TTLL11: variants seen among roughly 807,000 people sequenced by gnomAD.
TTLL11 encodes the protein tubulin polyglutamylase TTLL11.
A neutral mutation model predicts 51.7 loss-of-function variants in TTLL11; 42 were observed. That is an observed-to-expected ratio of 0.81 (90% CI 0.64 to 1.05). The LOEUF (loss-of-function observed/expected upper bound fraction) is 1.05. TTLL11 is among the 50% of genes least tolerant of loss of function. TTLL11 has a pLI of 0.00. For synonymous variants in TTLL11, 381 were observed against 383.5 expected (o/e 0.99, Z 0.08); for missense variants, 799 against 940.4 (o/e 0.85, Z 1.97).
chr9:121,956,857 C>T (rs2131615318), intron 6 of TTLL11, among the ~76,000 whole-genome samples: 1 of 152,316 alleles, frequency 6.6e-6, no homozygotes, highest in South Asian at 2.1e-4. Context: ...TTGGGAAGCA[C>T]CCAGCTCCTC....
chr9:122,015,057 A>G (rs543867320), intron 3 of TTLL11, among the ~76,000 whole-genome samples: 21 of 152,288 alleles, frequency 1.4e-4, no homozygotes, highest in African/African-American at 4.8e-4. Context: ...TCATTTGTAA[A>G]TCAGAGATCA....
At chr9:121,992,879 TA>T (rs1843153306) in intron 3 of TTLL11, among the ~76,000 whole-genome samples, 2 of 152,212 alleles carry the variant, frequency 1.3e-5, no homozygotes, top group African/African-American at 4.8e-5. Flanking sequence ...AGCAGTAAGA[TA>T]CTCTACTAAG....
At chr9:121,893,076 C>T (rs74740245) in intron 6 of TTLL11, among the ~76,000 whole-genome samples, 2,743 of 152,298 alleles carry the variant, frequency 0.018, 79 homozygotes, top group African/African-American at 0.06. Context: ...GTAAAAATAG[C>T]TACCATTTAC....
chr9:122,047,968 C>G (rs1845063061), intron 1 of TTLL11, among the ~76,000 whole-genome samples: 1 of 152,110 alleles, frequency 6.6e-6, no homozygotes, highest in Non-Finnish European at 1.5e-5. Context: ...TCCTCAACAT[C>G]CACTGGGCAG....
At chr9:121,851,053 C>T (rs1375322493) in intron 8 of TTLL11, among the ~76,000 whole-genome samples, 2 of 152,018 alleles carry the variant, frequency 1.3e-5, no homozygotes, top group Non-Finnish European at 2.9e-5. Context: ...CATGGAGAAA[C>T]CTTAAATGCA....
chr9:121,984,137 G>C (rs1200068961), intron 4 of TTLL11, among the ~76,000 whole-genome samples: 4 of 152,174 alleles, frequency 2.6e-5, no homozygotes, highest in African/African-American at 4.8e-5. Flanking sequence ...GCAGAGCTCA[G>C]GGAGGGTACA....
At position 121,947,231 on chromosome 9, in the gene TTLL11, G is replaced by A. The variant is rs12003465; in HGVS notation, c.1481+26778C>T. On this transcript the variant is annotated intron_variant, in intron 6 of 8. Coordinates refer to ENST00000321582, the MANE Select transcript of TTLL11 (RefSeq NM_001139442.2). ...CTGATAGCCTGAAATTAGCTGTGGT[G>A]GGAATATTTACACCATGGAAATAGA... Among the ~76,000 whole-genome samples the A allele has an allele frequency of 7.3e-3, 1,116 of 152,188 alleles. 11 individuals are homozygous for A. Among genetic ancestry groups the A allele is most frequent in the African/African-American group, 0.026 (1,075 of 41,514 alleles).
At chr9:122,078,657 T>A (rs138685136) in intron 1 of TTLL11, among the ~76,000 whole-genome samples, 1 of 152,238 alleles carries the variant, frequency 6.6e-6, no homozygotes, top group African/African-American at 2.4e-5. Flanking sequence ...TATAGCTTTT[T>A]ATGCTGGCAA....
chr9:121,942,695 A>G (rs1841521484), intron 6 of TTLL11, among the ~76,000 whole-genome samples: 1 of 147,366 alleles, frequency 6.8e-6, no homozygotes, highest in African/African-American at 2.5e-5. Flanking sequence ...GCCAAAATTA[A>G]CCTCCTGCTA....
At chr9:122,016,276 T>G (rs1022346973) in intron 3 of TTLL11, among the ~76,000 whole-genome samples, 1 of 152,038 alleles carries the variant, frequency 6.6e-6, no homozygotes, top group Non-Finnish European at 1.5e-5. Context: ...AATAAAAGGT[T>G]AAATATGGAA....
chr9:122,064,933 A>ACT (rs1588251380), intron 1 of TTLL11, among the ~76,000 whole-genome samples: 1 of 151,998 alleles, frequency 6.6e-6, no homozygotes, highest in East Asian at 1.9e-4. Context: ...GTGCTTTCTG[A>ACT]CTCCAAAATT....
intron 6 of TTLL11, among the ~76,000 whole-genome samples, chr9:121,972,830 G>C (rs1255415303): frequency 6.6e-6 from 1 of 152,260 alleles, no homozygotes; most frequent in Non-Finnish European, 1.5e-5. Context: ...GCAGCCAAGC[G>C]TAAGAAGCAC....
In TTLL11 at chr9:121,897,618, G is replaced by GCACACACACACACACACACACA. The variant is rs745877337; in HGVS notation, c.1482-26892_1482-26871dup. 5.2e-3 allele frequency among the ~76,000 whole-genome samples: 715 copies of GCACACACACACACACACACACA among 136,932 alleles called. 4 individuals are homozygous for GCACACACACACACACACACACA. Among genetic ancestry groups the GCACACACACACACACACACACA allele is most frequent in the East Asian group, 0.013 (56 of 4,396 alleles). The allele number at this position is 136,932 out of a possible 152,430, so 89.8% of individuals were successfully genotyped here. ...CACCTTCCCAGGCATTTCCCTCCAG[G>GCACACACACACACACACACACA]CACACACACACACACACACACACGC... On this transcript the variant is annotated intron_variant, in intron 6 of 8. Transcript: ENST00000321582.
chr9:122,082,067 A>G (rs1846015146), intron 1 of TTLL11, among the ~76,000 whole-genome samples: 1 of 152,254 alleles, frequency 6.6e-6, no homozygotes, highest in African/African-American at 2.4e-5. Flanking sequence ...ACAGTATTGG[A>G]GCAGATATGC....
Position 121,844,418 on chromosome 9 carries a change from C to T in TTLL11, c.1840+15919G>A, listed in dbSNP as rs543521279. ...TAAATATAAAACCTCACACTGAAAG[C>T]CTGATTACCTTGGTTCCTATTATCA... On this transcript the variant is annotated intron_variant, in intron 8 of 8. Coordinates refer to ENST00000321582, the MANE Select transcript of TTLL11 (RefSeq NM_001139442.2). Among the ~76,000 whole-genome samples, 6 of 152,286 alleles carry T rather than the reference C, an allele frequency of 3.9e-5. No homozygotes were observed. The South Asian group carries it at 1.2e-3, about 32-fold the overall frequency.
At chr9:122,006,464 T>G (rs1459941780) in intron 3 of TTLL11, among the ~76,000 whole-genome samples, 3 of 152,144 alleles carry the variant, frequency 2.0e-5, no homozygotes, top group African/African-American at 7.2e-5. Flanking sequence ...GACCATGGTA[T>G]TTGAGTCACT....
intron 6 of TTLL11, among the ~76,000 whole-genome samples, chr9:121,949,251 T>G (rs1308354477): frequency 6.6e-6 from 1 of 152,230 alleles, no homozygotes; most frequent in East Asian, 1.9e-4. Context: ...GAGTCTATTA[T>G]GTACCAGGCT....
chr9:121,865,907 C>T (rs1229349355), intron 7 of TTLL11, among the ~76,000 whole-genome samples: 2 of 152,158 alleles, frequency 1.3e-5, no homozygotes, highest in African/African-American at 4.8e-5. Context: ...CTGGCATTAG[C>T]ATAATTCACT....
intron 6 of TTLL11, among the ~76,000 whole-genome samples, chr9:121,919,847 TAAAAAAA>T (rs59700871): frequency 0.068 from 4,113 of 60,760 alleles, 118 homozygotes; most frequent in African/African-American, 0.16. Context: ...CCCTCATCTC[TAAAAAAA>T]AAAAAAAAAA....
Sources: gnomAD v4.1 joint callset for allele counts (sites outside exome capture counted in the v4.1 genomes callset) on GRCh38, gnomAD v4.1.1 for gene constraint, MANE v1.5 for transcripts, NCBI Gene and HGNC (gene_info 2026-07-23, HGNC 2026-07-21) for gene names.